PHKA2: variants seen among roughly 807,000 people sequenced by gnomAD.
PHKA2 encodes phosphorylase kinase regulatory subunit alpha 2.
In PHKA2, 31 loss-of-function variants were observed where a neutral mutation model predicts 102.0. That is an observed-to-expected ratio of 0.30 (90% CI 0.23 to 0.41). PHKA2 has a LOEUF of 0.41. Among genes scored for constraint, PHKA2 ranks in the 10% least tolerant of loss-of-function variants. The probability of loss-of-function intolerance (pLI) is 1.00; values close to 1 mark genes in which losing one functional copy is unlikely to be tolerated. For missense variants in PHKA2, 858 were observed against 1,023.1 expected, an observed-to-expected ratio of 0.84 and a Z score of 2.20; for synonymous variants, 455 against 416.2, an observed-to-expected ratio of 1.09 and a Z score of -1.13.
At chrX:18,900,260 G>A (rs950974511) in intron 28 of PHKA2, among the ~76,000 whole-genome samples, 1 of 111,251 alleles carries the variant, frequency 9.0e-6, no homozygotes, top group African/African-American at 3.3e-5. Context: ...TAAAAGAAGA[G>A]CACCCTTACA....
chrX:18,897,097 C>T, intron 30 of PHKA2, 66 bp downstream of exon 30: 1 of 1,141,837 alleles, frequency 8.8e-7, no homozygotes, highest in Non-Finnish European at 1.2e-6. Context: ...CCTGGAGGTG[C>T]CACCATGCCT....
Position 18,984,067 on chromosome X carries a change from G to A in PHKA2, c.-135C>T, listed in dbSNP as rs1416299145. ...TTCTTGGGATGGGACCGGGCCGGAG[G>A]AGGTCGAGACTTTTCTAAACGCTAG... On this transcript the variant is annotated 5_prime_UTR_variant, in exon 1 of 33. Transcript: ENST00000379942. 3.7e-6 allele frequency: 2 copies of A among 536,404 alleles called. No individual in the cohort carries two copies. Among genetic ancestry groups the A allele is most frequent in the African/African-American group, 4.6e-5 (2 of 43,915 alleles). 44.2% of individuals were successfully genotyped at this position (536,404 alleles called of 1,213,427 possible). A position where few individuals can be genotyped will look rare whatever the true frequency, so the allele number is the denominator to read the frequency against.
intron 31 of PHKA2, 156 bp downstream of exon 31, chrX:18,894,982 C>T (rs933126977): frequency 9.0e-6 from 5 of 557,523 alleles, no homozygotes; most frequent in Non-Finnish European, 1.6e-5. Context: ...GACATTTTTG[C>T]CAAATATGAG....
chrX:18,948,709 G>A (rs2048627605), intron 5 of PHKA2, 35 bp downstream of exon 5: 1 of 917,775 alleles, frequency 1.1e-6, no homozygotes. Context: ...TTGTTGACTG[G>A]AACATCTGAA....
In PHKA2 at chrX:18,922,710, G is replaced by A. The variant is rs184438695; in HGVS notation, c.1793+1346C>T. The stretch of plus-strand genomic sequence containing the variant: ...TGGTTGCTAGGGGCGGGAGGAGGGG[G>A]AAGTAGAGTTGCTATTAATGGGTGT... On this transcript the variant is annotated intron_variant, in intron 17 of 32. Transcript: ENST00000379942. Among the ~76,000 whole-genome samples the A allele has an allele frequency of 6.7e-3, 748 of 111,510 alleles. 1 individual carries two copies. Among genetic ancestry groups the A allele is most frequent in the South Asian group, 0.016 (41 of 2,638 alleles).
At chrX:18,970,547 T>G (rs771098344) in intron 1 of PHKA2, among the ~76,000 whole-genome samples, 6 of 112,515 alleles carry the variant, frequency 5.3e-5, no homozygotes, top group Non-Finnish European at 9.4e-5. Flanking sequence ...CATTTCCAAA[T>G]TGAAGAACAG....
Position 18,936,093 on chromosome X carries a change from G to A in PHKA2, c.1099C>T (p.Arg367Cys), listed in dbSNP as rs1287580250. 3.3e-6 allele frequency: 4 copies of A among 1,209,043 alleles called. No homozygotes were observed. The highest frequency in any genetic ancestry group is 3.0e-5 in the East Asian group (1 of 33,806). Residue 367 changes from arginine (R) to cysteine (C), a missense_variant, in exon 11 of 33, where the codon CGC (arginine) becomes TGC (cysteine). Arg to Cys is a radical substitution (Grantham distance 180). This residue lies in a region of PHKA2 where 671 missense variants were observed against 745.2 expected (regional missense o/e 0.90). Coordinates refer to ENST00000379942, the MANE Select transcript of PHKA2 (RefSeq NM_000292.3). ...GILIRGKNGI[R>C]LVPELYAVPP... ...ACAGCGTAGAGTTCAGGCACCAGGC[G>A]GATCCCATTCTTGCCTCTGATGAGT...
rs753448101 is a variant in PHKA2, at chrX:18,896,757, C to T, written c.3282+406G>A. On this transcript the variant is annotated intron_variant, in intron 30 of 32. Coordinates refer to ENST00000379942, the MANE Select transcript of PHKA2 (RefSeq NM_000292.3). ...TACAGGGTTTTCATCTGAAGCCTCC[C>T]AGCCTTTCCCTGTTCTTCTATGTTC... 19 of 236,210 alleles carry T rather than the reference C, an allele frequency of 8.0e-5. No individual in the cohort carries two copies. In the South Asian group the frequency reaches 9.7e-4, roughly 12 times the overall value. 19.5% of individuals were successfully genotyped at this position (236,210 alleles called of 1,213,427 possible).
intron 17 of PHKA2, among the ~76,000 whole-genome samples, chrX:18,923,242 G>A (rs1262228674): frequency 9.1e-6 from 1 of 109,884 alleles, no homozygotes; most frequent in African/African-American, 3.3e-5. Context: ...TAGAGACAGG[G>A]TTTTGCCAGG....
chrX:18,976,259 GC>G (rs749500563), intron 1 of PHKA2, among the ~76,000 whole-genome samples: 2 of 111,850 alleles, frequency 1.8e-5, no homozygotes, highest in African/African-American at 6.5e-5. Context: ...ACAGGCGTGA[GC>G]CACTGCACCT....
At chrX:18,969,197 T>C (rs190914573) in intron 1 of PHKA2, among the ~76,000 whole-genome samples, 62 of 112,012 alleles carry the variant, frequency 5.5e-4, no homozygotes, top group African/African-American at 1.8e-3. Flanking sequence ...ATATTGTCAG[T>C]TGTTTTCCTT....
intron 5 of PHKA2, among the ~76,000 whole-genome samples, chrX:18,947,413 A>G (rs2048599022): frequency 8.9e-6 from 1 of 112,140 alleles, no homozygotes; most frequent in Non-Finnish European, 1.9e-5. Context: ...AAGGGGGTTT[A>G]TACACATTTA....
At chrX:18,930,906 G>C (rs1215062938) in intron 12 of PHKA2, among the ~76,000 whole-genome samples, 1 of 110,915 alleles carries the variant, frequency 9.0e-6, no homozygotes, top group Non-Finnish European at 1.9e-5. Flanking sequence ...GAGCCTGGCA[G>C]CCCCTCAGCC....
chrX:18,917,157 G>A (rs1055446480), intron 19 of PHKA2, among the ~76,000 whole-genome samples: 2 of 111,167 alleles, frequency 1.8e-5, no homozygotes, highest in African/African-American at 6.6e-5. Flanking sequence ...TTATAGGCAT[G>A]AGCCACTGTG....
rs189117709 is a variant in PHKA2, at chrX:18,923,633, C to G, written c.1793+423G>C. On this transcript the variant is annotated intron_variant, in intron 17 of 32. Transcript: ENST00000379942. The stretch of plus-strand genomic sequence containing the variant: ...GCTGTGAGGGCTCTAAGGAATTTGC[C>G]AAGTCCTGCAAATGAATCTTAAGGT... 3.3e-3 allele frequency among the ~76,000 whole-genome samples: 372 copies of G among 112,371 alleles called. 1 individual carries two copies. Among genetic ancestry groups the G allele is most frequent in the Non-Finnish European group, 5.5e-3 (294 of 53,246 alleles).
At chrX:18,975,542 A>T (rs1284565299) in intron 1 of PHKA2, among the ~76,000 whole-genome samples, 3 of 112,127 alleles carry the variant, frequency 2.7e-5, no homozygotes, top group African/African-American at 9.7e-5. Context: ...CTTGAACTTA[A>T]CAAAACTCTA....
At chrX:18,976,798 C>T (rs1001967083) in intron 1 of PHKA2, among the ~76,000 whole-genome samples, 1 of 111,264 alleles carries the variant, frequency 9.0e-6, no homozygotes, top group Non-Finnish European at 1.9e-5. Flanking sequence ...GTCCCTCCTC[C>T]CTCTCCTGAT....
intron 20 of PHKA2, among the ~76,000 whole-genome samples, chrX:18,909,678 T>C (rs1197495780): frequency 8.9e-6 from 1 of 112,616 alleles, no homozygotes; most frequent in Non-Finnish European, 1.9e-5. Flanking sequence ...TATCACTCTT[T>C]GTTTAAAAAG....
intron 1 of PHKA2, among the ~76,000 whole-genome samples, chrX:18,966,200 G>A (rs1018973285): frequency 2.8e-5 from 3 of 107,254 alleles, no homozygotes; most frequent in African/African-American, 1.0e-4. Flanking sequence ...CAATGCTCCT[G>A]CCTCAGCCTC....
Sources: gnomAD v4.1 joint callset for allele counts (sites outside exome capture counted in the v4.1 genomes callset) on GRCh38, gnomAD v4.1.1 for gene constraint, gnomAD v4.1.1 regional missense constraint, MANE v1.5 for transcripts, NCBI Gene and HGNC (gene_info 2026-07-23, HGNC 2026-07-21) for gene names.